The following ZNF236 variants were observed in gnomAD, a reference collection of about 807,000 sequenced individuals.
ZNF236 encodes regulated by glucose.
A neutral mutation model predicts 191.2 loss-of-function variants in ZNF236; 50 were observed. The observed-to-expected ratio is 0.26, with a 90% confidence interval of 0.21 to 0.33. The LOEUF (loss-of-function observed/expected upper bound fraction) is 0.33, where lower values mean the gene tolerates loss of function less well. Ranked by LOEUF, ZNF236 falls within the 10% of genes least tolerant of loss-of-function variation. The pLI, the probability that ZNF236 is intolerant of heterozygous loss-of-function variation, is 1.00. For missense variants in ZNF236, 1,754 were observed against 2,374.5 expected (o/e 0.74, Z 5.43); for synonymous variants, 907 against 928.8 (o/e 0.98, Z 0.43).
chr18:76,839,237 G>A (rs1975415111), intron 1 of ZNF236, among the ~76,000 whole-genome samples: 1 of 152,238 alleles, frequency 6.6e-6, no homozygotes, highest in Non-Finnish European at 1.5e-5. Flanking sequence ...TGTTGGAGAT[G>A]TACCTAGGAG....
intron 25 of ZNF236, among the ~76,000 whole-genome samples, chr18:76,934,932 C>T (rs1448374276): frequency 6.6e-6 from 1 of 152,180 alleles, no homozygotes; most frequent in African/African-American, 2.4e-5. Context: ...GTTTGATGAG[C>T]GTACAGTTTA....
chr18:76,861,676 A>G (rs1006883301), intron 3 of ZNF236, among the ~76,000 whole-genome samples: 5 of 152,164 alleles, frequency 3.3e-5, no homozygotes, highest in African/African-American at 1.2e-4. Context: ...TCTTACCTTT[A>G]ATTGTATTTA....
intron 27 of ZNF236, among the ~76,000 whole-genome samples, chr18:76,948,702 C>T (rs954425957): frequency 4.6e-5 from 7 of 152,192 alleles, no homozygotes; most frequent in Non-Finnish European, 1.0e-4. Flanking sequence ...TGCCAAGTGT[C>T]GCCCACTTGG....
chr18:76,892,307 G>T (rs1405072965), intron 9 of ZNF236, among the ~76,000 whole-genome samples: 1 of 149,760 alleles, frequency 6.7e-6, no homozygotes, highest in African/African-American at 2.4e-5. Context: ...TTCATTTCTA[G>T]TGTATACTGT....
At chr18:76,958,026 G>GGCT (rs1367364767) in intron 28 of ZNF236, among the ~76,000 whole-genome samples, 1 of 152,160 alleles carries the variant, frequency 6.6e-6, no homozygotes, top group African/African-American at 2.4e-5. Context: ...CCTGCCCCAG[G>GGCT]GCTGCATTAG....
intron 28 of ZNF236, among the ~76,000 whole-genome samples, chr18:76,957,496 G>A (rs1968551450): frequency 6.6e-6 from 1 of 152,194 alleles, no homozygotes; most frequent in South Asian, 2.1e-4. Context: ...TCGCTTGGCT[G>A]CTTGGGTTCT....
At chr18:76,909,795 A>G (rs1568225103) in intron 14 of ZNF236, among the ~76,000 whole-genome samples, 1 of 152,220 alleles carries the variant, frequency 6.6e-6, no homozygotes, top group African/African-American at 2.4e-5. Flanking sequence ...AAAGGTTTTA[A>G]ACAATTATGG....
chr18:76,847,712 A>G lies in ZNF236; in HGVS notation c.56-1814A>G, dbSNP rs1015017088. ...TCTTGATCTCCTGACTTCGTGTTCC[A>G]CCCGCCTTGGCCTCCTGCCTCCCAA... On this transcript the variant is annotated intron_variant, in intron 1 of 30. Coordinates refer to ENST00000320610, the MANE Select transcript of ZNF236 (RefSeq NM_001306089.2). Among the ~76,000 whole-genome samples, 39 of 151,890 alleles carry G rather than the reference A, an allele frequency of 2.6e-4. 1 individual carries two copies. Among genetic ancestry groups the G allele is most frequent in the Admixed American group, 2.2e-3 (33 of 15,270 alleles).
chr18:76,839,393 T>A (rs1452941467), intron 1 of ZNF236, among the ~76,000 whole-genome samples: 1 of 152,254 alleles, frequency 6.6e-6, no homozygotes, highest in African/African-American at 2.4e-5. Context: ...ATCTGTGGTA[T>A]TGTCTGTCTT....
At chr18:76,860,822 A>G (rs932095767) in intron 3 of ZNF236, among the ~76,000 whole-genome samples, 6 of 152,162 alleles carry the variant, frequency 3.9e-5, no homozygotes, top group African/African-American at 1.4e-4. Flanking sequence ...TTACATTTCT[A>G]TTACTACTCA....
At chr18:76,897,683 C>T (rs1669048771) in intron 10 of ZNF236, among the ~76,000 whole-genome samples, 1 of 152,128 alleles carries the variant, frequency 6.6e-6, no homozygotes, top group African/African-American at 2.4e-5. Context: ...GTACTGCACA[C>T]AAGTACTACA....
At chr18:76,850,166 C>T (rs1975816373) in intron 2 of ZNF236, among the ~76,000 whole-genome samples, 2 of 152,048 alleles carry the variant, frequency 1.3e-5, no homozygotes, top group Non-Finnish European at 2.9e-5. Context: ...AATTTTAGTG[C>T]CTTAATGGAA....
chr18:76,888,022 A>G (rs1288465470), intron 9 of ZNF236: 2 of 148,408 alleles, frequency 1.3e-5, no homozygotes, highest in Non-Finnish European at 3.0e-5. Flanking sequence ...CACTGTTCCC[A>G]GTGTTCTAGT....
At chr18:76,955,147 A>T (rs1440506716) in intron 27 of ZNF236, among the ~76,000 whole-genome samples, 1 of 152,196 alleles carries the variant, frequency 6.6e-6, no homozygotes, top group Non-Finnish European at 1.5e-5. Flanking sequence ...AGTGTCTCAC[A>T]CTGTAATCCC....
intron 1 of ZNF236, chr18:76,824,097 G>A (rs1316249258): frequency 3.6e-6 from 2 of 551,024 alleles, no homozygotes; most frequent in Non-Finnish European, 6.5e-6. Context: ...TTGGGGATGA[G>A]TAAACTGAGG....
chr18:76,827,277 C>G (rs906530409), intron 1 of ZNF236, among the ~76,000 whole-genome samples: 4 of 152,136 alleles, frequency 2.6e-5, no homozygotes, highest in Non-Finnish European at 4.4e-5. Context: ...CCTCTGCCTC[C>G]TGGGTTCAAG....
At chr18:76,961,509 A>G (rs1290850315) in intron 30 of ZNF236, among the ~76,000 whole-genome samples, 1 of 152,134 alleles carries the variant, frequency 6.6e-6, no homozygotes, top group East Asian at 1.9e-4. Flanking sequence ...TGCCATAAAC[A>G]TGCGTGTGCA....
chr18:76,917,497 A>G (rs1489780911), intron 19 of ZNF236, among the ~76,000 whole-genome samples: 1 of 152,146 alleles, frequency 6.6e-6, no homozygotes, highest in Non-Finnish European at 1.5e-5. Context: ...TTTTCCTTGG[A>G]TCATTGTGGG....
rs554066765 is a variant in ZNF236 at position 76,925,588 on chromosome 18, A to G, written c.4027+34A>G. 4.4e-6 allele frequency: 7 copies of G among 1,599,048 alleles called. No individual in the cohort carries two copies. The highest frequency in any genetic ancestry group is 1.1e-5 in the South Asian group (1 of 90,138). On this transcript the variant is annotated intron_variant, in intron 22 of 30. Transcript: ENST00000320610. The surrounding 1 kb of genome is among the most constrained non-coding windows in gnomAD (Gnocchi z 5.7). ...TGAGCCGAGGGAATGAGAGCAGCAC[A>G]GTGATTGAACTGTTCTGTGCTGCTT... is the stretch of plus-strand genomic sequence containing the variant.
Sources: gnomAD v4.1 joint callset for allele counts (sites outside exome capture counted in the v4.1 genomes callset) on GRCh38, gnomAD v4.1.1 for gene constraint, Gnocchi (gnomAD v3.1) non-coding constraint, MANE v1.5 for transcripts, NCBI Gene and HGNC (gene_info 2026-07-23, HGNC 2026-07-21) for gene names.